Variants in ZNF462 observed in about 807,000 individuals in gnomAD.
ZNF462 encodes zinc finger PBX1-interacting protein.
In ZNF462, 10 loss-of-function variants were observed where a neutral mutation model predicts 201.9. That is an observed-to-expected ratio of 0.05 (90% CI 0.03 to 0.08). The LOEUF (loss-of-function observed/expected upper bound fraction) is 0.08. Among genes scored for constraint, ZNF462 ranks in the 10% least tolerant of loss-of-function variants. The probability of loss-of-function intolerance (pLI) is 1.00; values close to 1 mark genes in which losing one functional copy is unlikely to be tolerated. For synonymous variants in ZNF462, 1,227 were observed against 1,193.3 expected, an observed-to-expected ratio of 1.03 and a Z score of -0.58; for missense variants, 2,523 against 3,168.3, an observed-to-expected ratio of 0.80 and a Z score of 4.89.
chr9:106,976,921 G>T (rs1827045130), intron 9 of ZNF462, among the ~76,000 whole-genome samples: 1 of 152,078 alleles, frequency 6.6e-6, no homozygotes, highest in Non-Finnish European at 1.5e-5. Flanking sequence ...TTAAACCCAG[G>T]CTTGTCTGAC....
chr9:106,953,933 T>G (rs1482109353), intron 7 of ZNF462, among the ~76,000 whole-genome samples: 1 of 152,158 alleles, frequency 6.6e-6, no homozygotes, highest in Non-Finnish European at 1.5e-5. Flanking sequence ...ATTTGTTGTC[T>G]GCTTAGTCCT....
At chr9:106,914,629 T>C (rs1829693070) in intron 1 of ZNF462, among the ~76,000 whole-genome samples, 1 of 152,182 alleles carries the variant, frequency 6.6e-6, no homozygotes, top group Non-Finnish European at 1.5e-5. Context: ...TGAGTACCTG[T>C]TGAGTACACT....
rs1233665540 is a variant in ZNF462 at position 106,972,869 on chromosome 9, G to T, written c.6695+597G>T. Among the ~76,000 whole-genome samples, 1 of 152,098 alleles carries T rather than the reference G, an allele frequency of 6.6e-6. No individual in the cohort carries two copies. The highest frequency in any genetic ancestry group is 1.5e-5 in the Non-Finnish European group (1 of 68,012). ...ATTGATGGACTCAATTATTAAGAAT[G>T]GAATGCTTCCTATGATGTAATCTAA... On this transcript the variant is annotated intron_variant, in intron 8 of 12. Coordinates refer to ENST00000277225, the MANE Select transcript of ZNF462 (RefSeq NM_021224.6). This position sits in a 1 kb window ranked among gnomAD's most constrained non-coding sequence, Gnocchi z 4.8.
Position 106,902,754 on chromosome 9 carries a change from G to A in ZNF462, c.-30-20600G>A, listed in dbSNP as rs1190716778. ...TTGAATGATCTTTTTGTATTTCTGTGGTATCAGATGTAATATCACCTGTTT... is the reference window on the plus strand; with the variant it reads ...TTGAATGATCTTTTTGTATTTCTGTAGTATCAGATGTAATATCACCTGTTT... On this transcript the variant is annotated intron_variant, in intron 1 of 12. Transcript: ENST00000277225. The surrounding 1 kb of genome is among the most constrained non-coding windows in gnomAD (Gnocchi z 4.2). 6.6e-6 allele frequency among the ~76,000 whole-genome samples: 1 copy of A among 151,914 alleles called. No individual in the cohort carries two copies. Among genetic ancestry groups the A allele is most frequent in the African/African-American group, 2.4e-5 (1 of 41,356 alleles).
In ZNF462 at chr9:106,938,750, A is replaced by G. The variant is rs1366991345; in HGVS notation, c.6236-166A>G. On this transcript the variant is annotated intron_variant, in intron 6 of 12. Coordinates refer to ENST00000277225, the MANE Select transcript of ZNF462 (RefSeq NM_021224.6). This position sits in a 1 kb window ranked among gnomAD's most constrained non-coding sequence, Gnocchi z 4.4. ...GGAAGAGTTTCAACTCCAAAGGAGT[A>G]CTGTGGTTGTGGCAGGTTGTTGGTC... Among the ~76,000 whole-genome samples the G allele has an allele frequency of 1.3e-5, 2 of 152,244 alleles. No homozygotes were observed. The highest frequency in any genetic ancestry group is 2.4e-5 in the African/African-American group (1 of 41,462).
chr9:106,939,543 A>C (rs1411014409), intron 7 of ZNF462, among the ~76,000 whole-genome samples: 1 of 152,176 alleles, frequency 6.6e-6, no homozygotes, highest in Non-Finnish European at 1.5e-5. Flanking sequence ...TAGGAGTGCA[A>C]AGGGTGAATG....
chr9:106,870,657 C>A lies in ZNF462; in HGVS notation c.-31+7302C>A, dbSNP rs1587973698. ...TCCTGATTAGAATGTTTTAGGATCA[C>A]TTAGTAGGAAATTAAGCATTTGCCC... On this transcript the variant is annotated intron_variant, in intron 1 of 12. Transcript: ENST00000277225. This position sits in a 1 kb window ranked among gnomAD's most constrained non-coding sequence, Gnocchi z 4.3. Among the ~76,000 whole-genome samples the A allele has an allele frequency of 6.6e-6, 1 of 152,150 alleles. No individual in the cohort carries two copies. Among genetic ancestry groups the A allele is most frequent in the Admixed American group, 6.5e-5 (1 of 15,272 alleles).
rs1827850525 is a variant in ZNF462, at chr9:106,876,829, G to A, written c.-31+13474G>A. ...GTCGAAGAAAATTGTCCTTATTGCA[G>A]AGAAAATATTGGCTGTGCTGTTTAT... On this transcript the variant is annotated intron_variant, in intron 1 of 12. Coordinates refer to ENST00000277225, the MANE Select transcript of ZNF462 (RefSeq NM_021224.6). This position sits in a 1 kb window ranked among gnomAD's most constrained non-coding sequence, Gnocchi z 4.9. 6.6e-6 allele frequency among the ~76,000 whole-genome samples: 1 copy of A among 152,298 alleles called. No individual in the cohort carries two copies. The highest frequency in any genetic ancestry group is 3.4e-3 in the Middle Eastern group (1 of 294).
upstream of ZNF462, among the ~76,000 whole-genome samples, chr9:106,862,357 G>A (rs369573332): frequency 1.8e-4 from 28 of 152,216 alleles, no homozygotes; most frequent in African/African-American, 6.7e-4. The surrounding 1 kb of genome is among the most constrained non-coding windows in gnomAD (Gnocchi z 4.2). Context: ...CAGGGCTGAC[G>A]TTGGGAGCGC....
chr9:106,928,291 C>T lies in ZNF462; in HGVS notation c.4379C>T (p.Ser1460Leu). 1 of 1,613,828 alleles carries T rather than the reference C, an allele frequency of 6.2e-7. No homozygotes were observed. Among genetic ancestry groups the T allele is most frequent in the South Asian group, 1.1e-5 (1 of 91,040 alleles). Residue 1460 changes from serine to leucine, a missense_variant, in exon 3 of 13, where the codon TCA (serine) becomes TTA (leucine). Ser to Leu is a moderately radical substitution (Grantham distance 145). Transcript: ENST00000277225. The surrounding 1 kb of genome is among the most constrained non-coding windows in gnomAD (Gnocchi z 9.3). ...CCTGAGAAAAGCCTGCAGCTAGCTT[C>T]AGCCAACCCCGCCATATCCTCCACC... ...LSPEKSLQLASANPAISSTPY... is the reference protein window; with the variant it reads ...LSPEKSLQLALANPAISSTPY...
intron 7 of ZNF462, among the ~76,000 whole-genome samples, chr9:106,969,565 A>G (rs571383042): frequency 5.9e-5 from 9 of 152,256 alleles, no homozygotes; most frequent in African/African-American, 1.9e-4. Context: ...CTGGCTTATC[A>G]TCTGGCTAGG....
In ZNF462 at chr9:106,968,751, C is replaced by T. The variant is rs1471274366; in HGVS notation, c.6428-3254C>T. 2.0e-5 allele frequency among the ~76,000 whole-genome samples: 3 copies of T among 152,184 alleles called. No individual in the cohort carries two copies. ...CATGTGATTCAGCTGCTGTATTTCC[C>T]CATGACCAGAAGTCTGACTCTCCCA... On this transcript the variant is annotated intron_variant, in intron 7 of 12. Transcript: ENST00000277225. The surrounding 1 kb of genome is among the most constrained non-coding windows in gnomAD (Gnocchi z 4.0).
Position 106,925,019 on chromosome 9 carries a change from C to T in ZNF462, c.1107C>T (p.Asp369=). Residue 369 remains aspartate (D), a synonymous_variant, in exon 3 of 13, where the codon GAC becomes GAT. Coordinates refer to ENST00000277225, the MANE Select transcript of ZNF462 (RefSeq NM_021224.6). The surrounding 1 kb of genome is among the most constrained non-coding windows in gnomAD (Gnocchi z 7.9). ...AGAGATCCCGTTATGGAATGACTGA[C>T]ATGACCAATTCTTCTGCTGACCTGG... The part of the protein sequence containing the change: ...LTERSRYGMT[D]MTNSSADLET... 1 of 1,614,174 alleles carries T rather than the reference C, an allele frequency of 6.2e-7. No individual in the cohort carries two copies. Among genetic ancestry groups the T allele is most frequent in the Non-Finnish European group, 8.5e-7 (1 of 1,180,036 alleles).
At chr9:106,908,065 A>AT (rs1829348502) in intron 1 of ZNF462, among the ~76,000 whole-genome samples, 1 of 151,912 alleles carries the variant, frequency 6.6e-6, no homozygotes, top group Non-Finnish European at 1.5e-5. Flanking sequence ...ATTGTGTACT[A>AT]TTTTTTAAAT....
At chr9:106,889,645 C>T (rs1324957493) in intron 1 of ZNF462, among the ~76,000 whole-genome samples, 1 of 152,152 alleles carries the variant, frequency 6.6e-6, no homozygotes, top group Admixed American at 6.5e-5. Flanking sequence ...TTCATTTGTT[C>T]ATTCATTTAA....
At chr9:106,867,620 G>A (rs185399092) in intron 1 of ZNF462, among the ~76,000 whole-genome samples, 38 of 151,538 alleles carry the variant, frequency 2.5e-4, no homozygotes, top group African/African-American at 7.5e-4. Flanking sequence ...TGAATCTTCC[G>A]GAAGACAGCA....
intron 7 of ZNF462, among the ~76,000 whole-genome samples, chr9:106,951,851 G>GTT (rs113813847): frequency 5.0e-5 from 7 of 140,568 alleles, no homozygotes; most frequent in Admixed American, 1.4e-4. Context: ...ACAGTGTTGT[G>GTT]TTTTTTTTTT....
chr9:106,913,312 C>T lies in ZNF462; in HGVS notation c.-30-10042C>T, dbSNP rs1188352057. 6.6e-6 allele frequency among the ~76,000 whole-genome samples: 1 copy of T among 152,088 alleles called. No homozygotes were observed. Among genetic ancestry groups the T allele is most frequent in the Non-Finnish European group, 1.5e-5 (1 of 68,012 alleles). ...CTGTTCATGGATGCTCTCTGGAATT[C>T]CTTAGGTTCTTGAACGTTTAGTTCG... is the stretch of plus-strand genomic sequence containing the variant. On this transcript the variant is annotated intron_variant, in intron 1 of 12. Transcript: ENST00000277225. The surrounding 1 kb of genome is among the most constrained non-coding windows in gnomAD (Gnocchi z 4.1).
At chr9:106,863,042 G>A (rs1414944243), upstream of ZNF462, 10 of 394,744 alleles carry the variant, frequency 2.5e-5, no homozygotes, top group Admixed American at 4.4e-5. Flanking sequence ...AGCGCGCGAG[G>A]GAGAGGGAGG....
Sources: gnomAD v4.1 joint callset for allele counts (sites outside exome capture counted in the v4.1 genomes callset) on GRCh38, gnomAD v4.1.1 for gene constraint, Gnocchi (gnomAD v3.1) non-coding constraint, MANE v1.5 for transcripts, NCBI Gene and HGNC (gene_info 2026-07-23, HGNC 2026-07-21) for gene names.